Variants in PPP4R4 observed in about 807,000 individuals in gnomAD.
PPP4R4 encodes the protein serine/threonine-protein phosphatase 4 regulatory subunit 4.
Under a neutral mutation model 121.8 loss-of-function variants are expected in PPP4R4, and 70 were observed. The ratio of observed to expected loss-of-function variants is 0.57; its 90% CI spans 0.47 to 0.70. PPP4R4 has a LOEUF of 0.70. PPP4R4 is among the 30% of genes least tolerant of loss of function. PPP4R4 has a pLI of 0.00. For missense variants in PPP4R4, 875 were observed against 1,033.6 expected, an observed-to-expected ratio of 0.85 and a Z score of 2.10; for synonymous variants, 348 against 355.7, an observed-to-expected ratio of 0.98 and a Z score of 0.24.
At chr14:94,246,013 TAAGAA>T (rs774917050) in intron 13 of PPP4R4, among the ~76,000 whole-genome samples, 1 of 152,146 alleles carries the variant, frequency 6.6e-6, no homozygotes, top group Non-Finnish European at 1.5e-5. Context: ...CTGTGTAACC[TAAGAA>T]AAGGGTAGGA....
At chr14:94,248,523 C>T (rs1189774646) in intron 14 of PPP4R4, among the ~76,000 whole-genome samples, 1 of 152,106 alleles carries the variant, frequency 6.6e-6, no homozygotes, top group Non-Finnish European at 1.5e-5. Flanking sequence ...TATCAAACTA[C>T]CAATGTCATT....
At chr14:94,175,967 T>C (rs1270939700) in intron 1 of PPP4R4, 87 bp from the exon 2 acceptor site, 12 of 1,012,140 alleles carry the variant, frequency 1.2e-5, no homozygotes, top group Admixed American at 1.8e-5. Context: ...TTTCATTCGT[T>C]TATCCTCATA....
chr14:94,232,585 T>C (rs921145704), intron 5 of PPP4R4, among the ~76,000 whole-genome samples: 3 of 152,372 alleles, frequency 2.0e-5, no homozygotes, highest in South Asian at 2.1e-4. Context: ...ATTTTAGATA[T>C]GTAATTTATT....
intron 11 of PPP4R4, 82 bp from the exon 12 acceptor site, chr14:94,244,553 G>T: frequency 9.2e-7 from 1 of 1,081,290 alleles, no homozygotes; most frequent in Non-Finnish European, 1.3e-6. Context: ...TATATAACAA[G>T]GATGTATTTT....
chr14:94,213,734 C>CA (rs2139465398), intron 3 of PPP4R4, among the ~76,000 whole-genome samples: 1 of 152,264 alleles, frequency 6.6e-6, no homozygotes, highest in East Asian at 1.9e-4. Flanking sequence ...CTGAAAGAAG[C>CA]AAAAAGCAGA....
intron 3 of PPP4R4, among the ~76,000 whole-genome samples, chr14:94,215,476 C>T (rs1176737975): frequency 6.6e-6 from 1 of 152,094 alleles, no homozygotes; most frequent in Non-Finnish European, 1.5e-5. Flanking sequence ...CATGATGTTC[C>T]AGACCCTTAC....
In PPP4R4 at chr14:94,201,702, G is replaced by A. The variant is rs903076877; in HGVS notation, c.192-6762G>A. On this transcript the variant is annotated intron_variant, in intron 2 of 24. Transcript: ENST00000304338. ...TTCTACCCCTTTACCTTAAGTTTAT[G>A]TGAGTCCTTATGTGTGTTTGGTGAG... Among the ~76,000 whole-genome samples the A allele has an allele frequency of 5.9e-5, 9 of 152,062 alleles. No homozygotes were observed. In the South Asian group the frequency reaches 6.2e-4, roughly 11 times the overall value.
At chr14:94,217,761 G>A (rs896492717) in intron 3 of PPP4R4, among the ~76,000 whole-genome samples, 2 of 152,218 alleles carry the variant, frequency 1.3e-5, no homozygotes, top group African/African-American at 4.8e-5. Flanking sequence ...TTGGGAGGCT[G>A]AGGTGGGCGG....
At chr14:94,255,540 G>A (rs902315723) in intron 16 of PPP4R4, among the ~76,000 whole-genome samples, 1 of 151,760 alleles carries the variant, frequency 6.6e-6, no homozygotes, top group Non-Finnish European at 1.5e-5. Context: ...GGCGGAGCCT[G>A]CAGTGAGCCG....
intron 2 of PPP4R4, among the ~76,000 whole-genome samples, chr14:94,193,200 A>G (rs1889695927): frequency 6.6e-6 from 1 of 152,180 alleles, no homozygotes; most frequent in Non-Finnish European, 1.5e-5. Context: ...ATTAAGCAGC[A>G]AAGTTACACA....
At chr14:94,237,790 C>A in intron 8 of PPP4R4, 104 bp downstream of exon 8, 2 of 1,329,990 alleles carry the variant, frequency 1.5e-6, no homozygotes, top group Non-Finnish European at 2.1e-6. Flanking sequence ...CTATGTTAAG[C>A]CTCCCTTCCT....
At chr14:94,255,789 C>T (rs1595531509) in intron 16 of PPP4R4, among the ~76,000 whole-genome samples, 2 of 152,302 alleles carry the variant, frequency 1.3e-5, no homozygotes, top group African/African-American at 4.8e-5. Flanking sequence ...GCTTGTAAAA[C>T]ATTGTCAGAT....
At chr14:94,234,105 A>G (rs547071705) in intron 6 of PPP4R4, among the ~76,000 whole-genome samples, 1 of 152,328 alleles carries the variant, frequency 6.6e-6, no homozygotes, top group South Asian at 2.1e-4. Flanking sequence ...CACTGTTGTT[A>G]TGAATTTGTT....
intron 2 of PPP4R4, among the ~76,000 whole-genome samples, chr14:94,207,710 C>T (rs1318168435): frequency 6.7e-6 from 1 of 150,286 alleles, no homozygotes; most frequent in Non-Finnish European, 1.5e-5. Flanking sequence ...ATCTATCTAT[C>T]TATATATATA....
intron 24 of PPP4R4, among the ~76,000 whole-genome samples, chr14:94,276,177 C>A (rs1458593795): frequency 2.0e-5 from 3 of 152,214 alleles, no homozygotes; most frequent in Admixed American, 6.5e-5. Flanking sequence ...ACCATAGTTA[C>A]AAGTTAGCCA....
intron 2 of PPP4R4, among the ~76,000 whole-genome samples, chr14:94,206,039 C>T (rs1362033123): frequency 6.6e-6 from 1 of 151,870 alleles, no homozygotes; most frequent in Non-Finnish European, 1.5e-5. Flanking sequence ...CTGTGTAGTT[C>T]TGTCAGTTGT....
rs561550036 is a variant in PPP4R4 at position 94,176,162 on chromosome 14, T to C, written c.191+35T>C. 4 of 1,516,934 alleles carry C rather than the reference T, an allele frequency of 2.6e-6. No individual in the cohort carries two copies. In the African/African-American group the frequency reaches 4.1e-5, roughly 16 times the overall value. The allele number at this position is 1,516,934 out of a possible 1,614,324, so 94.0% of individuals were successfully genotyped here. On this transcript the variant is annotated intron_variant, in intron 2 of 24. Transcript: ENST00000304338. ...AGTCTTTCTGTGAAATTGCTCTTCT[T>C]TTTTCCCTGTGCAGCAGAGATGAAT...
At chr14:94,260,194 G>C (rs1014044982) in intron 19 of PPP4R4, among the ~76,000 whole-genome samples, 1 of 152,150 alleles carries the variant, frequency 6.6e-6, no homozygotes, top group East Asian at 1.9e-4. Flanking sequence ...GGGAGGCCGA[G>C]GCAGACGGAT....
At chr14:94,255,931 CTGTT>C (rs1213821881) in intron 16 of PPP4R4, among the ~76,000 whole-genome samples, 1 of 152,208 alleles carries the variant, frequency 6.6e-6, no homozygotes, top group Non-Finnish European at 1.5e-5. Context: ...CACCTTCACT[CTGTT>C]TAGGCATAGT....
Sources: gnomAD v4.1 joint callset for allele counts (sites outside exome capture counted in the v4.1 genomes callset) on GRCh38, gnomAD v4.1.1 for gene constraint, MANE v1.5 for transcripts, NCBI Gene and HGNC (gene_info 2026-07-23, HGNC 2026-07-21) for gene names.